PIR: variants seen among roughly 807,000 people sequenced by gnomAD.
PIR encodes pirin (iron-binding nuclear protein).
A neutral mutation model predicts 24.2 loss-of-function variants in PIR; 22 were observed. That is an observed-to-expected ratio of 0.91 (90% CI 0.65 to 1.30). The LOEUF is 1.30. PIR is among the 50% of genes most tolerant of loss of function. The pLI is 0.00. For missense variants in PIR, 220 were observed against 220.3 expected (o/e 1.00, Z 0.01); for synonymous variants, 80 against 79.6 (o/e 1.00, Z -0.03).
At position 15,446,377 on chromosome X, in the gene PIR, G is replaced by A. The variant is rs181909880; in HGVS notation, c.480+9471C>T. 1.6e-4 allele frequency among the ~76,000 whole-genome samples: 18 copies of A among 110,716 alleles called. No individual in the cohort carries two copies. The East Asian group carries it at 4.8e-3, about 30-fold the overall frequency. On this transcript the variant is annotated intron_variant, in intron 5 of 9. Transcript: ENST00000380420. Reference sequence around the variant, plus strand: ...TCCTTCTGCACCATCTAGACCAGGGGTGGCCAAAATGGATTCCCTGGGCCA... The same window carrying A: ...TCCTTCTGCACCATCTAGACCAGGGATGGCCAAAATGGATTCCCTGGGCCA...
chrX:15,419,812 C>T (rs1300382651), intron 6 of PIR, among the ~76,000 whole-genome samples: 1 of 109,449 alleles, frequency 9.1e-6, no homozygotes, highest in Admixed American at 9.8e-5. Context: ...AGGAGAATCG[C>T]TTGAACCCGG....
intron 5 of PIR, among the ~76,000 whole-genome samples, chrX:15,428,078 T>C (rs1451267456): frequency 3.6e-5 from 4 of 111,620 alleles, no homozygotes; most frequent in African/African-American, 1.3e-4. Flanking sequence ...CTGGTAGACT[T>C]TTGCATGGCT....
intron 5 of PIR, among the ~76,000 whole-genome samples, chrX:15,448,513 C>T (rs1275819882): frequency 8.9e-6 from 1 of 112,071 alleles, no homozygotes; most frequent in Non-Finnish European, 1.9e-5. Context: ...TGCACCTTAA[C>T]CTCATGCCCT....
intron 9 of PIR, among the ~76,000 whole-genome samples, chrX:15,389,057 A>G (rs1305708596): frequency 7.2e-5 from 8 of 111,324 alleles, no homozygotes; most frequent in African/African-American, 2.6e-4. Flanking sequence ...CTGTCACCTA[A>G]TTCAGTTAGA....
intron 2 of PIR, among the ~76,000 whole-genome samples, chrX:15,485,447 C>A (rs1050353806): frequency 9.0e-6 from 1 of 111,650 alleles, no homozygotes; most frequent in Non-Finnish European, 1.9e-5. Flanking sequence ...CTAATACCAT[C>A]ATATTGAGTG....
intron 9 of PIR, among the ~76,000 whole-genome samples, chrX:15,386,089 A>T (rs1024690206): frequency 8.9e-6 from 1 of 112,022 alleles, no homozygotes; most frequent in Non-Finnish European, 1.9e-5. Flanking sequence ...CAGTTGACAG[A>T]CTTGTTCACT....
chrX:15,400,674 GC>G (rs1249424757), intron 7 of PIR, among the ~76,000 whole-genome samples: 1 of 110,582 alleles, frequency 9.0e-6, no homozygotes, highest in Non-Finnish European at 1.9e-5. Flanking sequence ...CATTCTCTTT[GC>G]AATCTCAGTG....
chrX:15,438,357 T>C, intron 5 of PIR, among the ~76,000 whole-genome samples: 1 of 112,189 alleles, frequency 8.9e-6, no homozygotes, highest in Non-Finnish European at 1.9e-5. Flanking sequence ...CTTTTCAGTC[T>C]TTAAAAGTTT....
At chrX:15,445,598 T>C (rs234502) in intron 5 of PIR, among the ~76,000 whole-genome samples, 7,846 of 110,769 alleles carry the variant, frequency 0.071, 281 homozygotes, top group Middle Eastern at 0.11. Flanking sequence ...AAGAGGTAAA[T>C]TGTCATTGTT....
At chrX:15,442,774 G>A (rs769187725) in intron 5 of PIR, among the ~76,000 whole-genome samples, 2 of 112,395 alleles carry the variant, frequency 1.8e-5, no homozygotes, top group South Asian at 7.4e-4. Flanking sequence ...CTTCACTTCT[G>A]TGAAGGCTGA....
At chrX:15,398,669 G>GGTGTGTGTGTGTGTGTGT (rs371177726) in intron 7 of PIR, among the ~76,000 whole-genome samples, 2 of 76,112 alleles carry the variant, frequency 2.6e-5, no homozygotes, top group African/African-American at 4.8e-5. Flanking sequence ...GAGGAGGGAG[G>GGTGTGTGTGTGTGTGTGT]GTGTGTGTGT....
intron 8 of PIR, among the ~76,000 whole-genome samples, chrX:15,390,512 A>G (rs922556222): frequency 8.9e-6 from 1 of 111,952 alleles, no homozygotes; most frequent in Non-Finnish European, 1.9e-5. Flanking sequence ...TTAAATTAAG[A>G]TTTCTTTAAC....
In PIR at chrX:15,426,230, C is replaced by T. The variant is rs190889459; in HGVS notation, c.481-240G>A. ...GCTAATTTCAGGATGACAGCTGTCTCCCTACAGCCAGTTCTCAAATATAGT... is the reference window on the plus strand; with the variant it reads ...GCTAATTTCAGGATGACAGCTGTCTTCCTACAGCCAGTTCTCAAATATAGT... On this transcript the variant is annotated intron_variant, in intron 5 of 9. Coordinates refer to ENST00000380420, the MANE Select transcript of PIR (RefSeq NM_001018109.3). Among the ~76,000 whole-genome samples the T allele has an allele frequency of 2.5e-3, 277 of 111,344 alleles. 1 individual carries two copies. The highest frequency in any genetic ancestry group is 8.2e-3 in the African/African-American group (250 of 30,663).
rs147714406 is a variant in PIR, at chrX:15,404,031, C to T, written c.610+3475G>A. On this transcript the variant is annotated intron_variant, in intron 7 of 9. Transcript: ENST00000380420. ...TTTTCTTTTTTTTAGACAAGAGTCC[C>T]GCTCTGTTGCCTAGGCTGGAATGCA... Among the ~76,000 whole-genome samples, 677 of 107,674 alleles carry T rather than the reference C, an allele frequency of 6.3e-3. 8 individuals carry two copies. Among genetic ancestry groups the T allele is most frequent in the African/African-American group, 0.021 (620 of 29,284 alleles). The allele number at this position is 107,674 out of a possible 115,157, so 93.5% of individuals were successfully genotyped here.
intron 5 of PIR, among the ~76,000 whole-genome samples, chrX:15,435,504 C>G (rs971433288): frequency 8.9e-6 from 1 of 111,924 alleles, no homozygotes; most frequent in Non-Finnish European, 1.9e-5. Flanking sequence ...TGGGGAAAAC[C>G]AAGTGTTCAC....
At chrX:15,428,661 C>G (rs1193150934) in intron 5 of PIR, among the ~76,000 whole-genome samples, 1 of 111,218 alleles carries the variant, frequency 9.0e-6, no homozygotes, top group Admixed American at 9.5e-5. Flanking sequence ...CTCTCTGTCT[C>G]TCTCTCTCTT....
chrX:15,390,473 T>C (rs988674785), intron 8 of PIR, among the ~76,000 whole-genome samples: 4 of 111,701 alleles, frequency 3.6e-5, no homozygotes, highest in Non-Finnish European at 7.5e-5. Flanking sequence ...CACCAAAATA[T>C]TAACATTCTC....
intron 3 of PIR, among the ~76,000 whole-genome samples, chrX:15,461,814 CA>C (rs1168013184): frequency 9.0e-6 from 1 of 111,548 alleles, no homozygotes; most frequent in African/African-American, 3.3e-5. Flanking sequence ...AAAACAAAAA[CA>C]AAAAAAATTA....
intron 4 of PIR, among the ~76,000 whole-genome samples, chrX:15,457,869 G>A (rs371975470): frequency 1.8e-5 from 2 of 112,175 alleles, no homozygotes; most frequent in East Asian, 2.8e-4. Context: ...ATTGGCACAC[G>A]GCCATGCCCA....
Sources: allele counts gnomAD v4.1 joint callset (sites outside exome capture counted in the v4.1 genomes callset), GRCh38; gene constraint gnomAD v4.1.1; transcripts MANE v1.5; gene names NCBI Gene and HGNC (gene_info 2026-07-23, HGNC 2026-07-21).